SFMBT1: variants seen among roughly 807,000 people sequenced by gnomAD.
SFMBT1 encodes the protein Scm like with four mbt domains 1.
Under a neutral mutation model 108.7 loss-of-function variants are expected in SFMBT1, and 32 were observed. That is an observed-to-expected ratio of 0.29 (90% CI 0.22 to 0.40). SFMBT1 has a LOEUF of 0.40. Among genes scored for constraint, SFMBT1 ranks in the 10% least tolerant of loss-of-function variants. The pLI is 1.00. For missense variants in SFMBT1, 816 were observed against 1,059.6 expected (o/e 0.77, Z 3.19); for synonymous variants, 348 against 369.5 (o/e 0.94, Z 0.67).
chr3:53,003,772 A>AAAAAAAAG (rs1553642493), intron 1 of SFMBT1, among the ~76,000 whole-genome samples: 1 of 142,990 alleles, frequency 7.0e-6, no homozygotes, highest in African/African-American at 2.5e-5. Flanking sequence ...AAAAAAAAAA[A>AAAAAAAAG]AAAGAAAAGA....
At chr3:53,004,375 C>A (rs1474000587) in intron 1 of SFMBT1, among the ~76,000 whole-genome samples, 1 of 149,382 alleles carries the variant, frequency 6.7e-6, no homozygotes, top group Non-Finnish European at 1.5e-5. Flanking sequence ...TGGGTTCAAG[C>A]GATTCTCCTG....
chr3:52,910,441 T>C (rs1702188177), intron 17 of SFMBT1, among the ~76,000 whole-genome samples: 1 of 152,172 alleles, frequency 6.6e-6, no homozygotes, highest in Non-Finnish European at 1.5e-5. Context: ...GCCCATGACC[T>C]GTTTTGGTAT....
chr3:52,962,978 G>GTTATTTTATT (rs138529594), intron 2 of SFMBT1, among the ~76,000 whole-genome samples: 42 of 150,426 alleles, frequency 2.8e-4, no homozygotes, highest in Middle Eastern at 3.4e-3. Flanking sequence ...TCAGGTTGAA[G>GTTATTTTATT]TTATTTTATT....
At chr3:52,913,340 TCCAA>T (rs1298239817) in intron 15 of SFMBT1, 134 bp downstream of exon 15, 10 of 1,095,238 alleles carry the variant, frequency 9.1e-6, no homozygotes, top group Non-Finnish European at 1.1e-5. Flanking sequence ...CTCTTCACTG[TCCAA>T]AACATGAGAA....
chr3:53,033,572 T>TA (rs1433988143), intron 1 of SFMBT1, among the ~76,000 whole-genome samples: 2 of 152,044 alleles, frequency 1.3e-5, no homozygotes, highest in Non-Finnish European at 2.9e-5. Context: ...ACTCTCTACT[T>TA]AGATTCAAAA....
chr3:52,904,975 G>T lies in SFMBT1; in HGVS notation c.*161C>A. 1.2e-6 allele frequency: 1 copy of T among 827,434 alleles called. No homozygotes were observed. The highest frequency in any genetic ancestry group is 1.8e-6 in the Non-Finnish European group (1 of 558,560). The allele number at this position is 827,434 out of a possible 1,614,324, so 51.3% of individuals were successfully genotyped here. ...TGATCCACTTCTGTGCACAGTTTTT[G>T]CTTCCTCACTGTGAGTCCTCCTTCC... is the stretch of plus-strand genomic sequence containing the variant. On this transcript the variant is annotated 3_prime_UTR_variant, in exon 21 of 21. Transcript: ENST00000394752.
At chr3:53,027,721 A>C (rs900069011) in intron 1 of SFMBT1, among the ~76,000 whole-genome samples, 3 of 152,214 alleles carry the variant, frequency 2.0e-5, no homozygotes, top group Admixed American at 2.0e-4. Context: ...AGAATGAGAA[A>C]GGTCACTAAA....
At chr3:52,916,280 T>G in intron 13 of SFMBT1, 66 bp from the exon 14 acceptor site, 1 of 1,446,268 alleles carries the variant, frequency 6.9e-7, no homozygotes, top group African/African-American at 1.4e-5. Context: ...TGAGGCTTAG[T>G]TTCCTTCAAA....
intron 1 of SFMBT1, among the ~76,000 whole-genome samples, chr3:52,990,151 T>G (rs1211885831): frequency 1.3e-5 from 2 of 152,182 alleles, no homozygotes; most frequent in Non-Finnish European, 2.9e-5. Flanking sequence ...AACCACTCAC[T>G]CAGGAAAAAC....
intron 1 of SFMBT1, among the ~76,000 whole-genome samples, chr3:52,985,970 C>T (rs917914656): frequency 4.0e-5 from 6 of 151,886 alleles, no homozygotes; most frequent in African/African-American, 7.3e-5. Flanking sequence ...TGGTGAAACC[C>T]CGTCTCTACT....
chr3:52,938,794 G>T (rs1010244861), intron 4 of SFMBT1, among the ~76,000 whole-genome samples: 16 of 152,064 alleles, frequency 1.1e-4, no homozygotes, highest in African/African-American at 3.6e-4. Flanking sequence ...TTTAGTTTAA[G>T]TTCTATAGCT....
chr3:52,969,145 C>CA lies in SFMBT1; in HGVS notation c.-18dup, dbSNP rs1559531219. 2.5e-6 allele frequency: 4 copies of CA among 1,613,828 alleles called. No homozygotes were observed. In the African/African-American group the frequency reaches 5.3e-5, roughly 22 times the overall value. ...CCCGTTCATTTCCACAGCATATAGG[C>CA]AGGCTATATCCTCCCAAAACAAAGG... On this transcript the variant is annotated 5_prime_UTR_variant, in exon 2 of 21. Transcript: ENST00000394752.
At chr3:52,973,642 G>GT (rs1173668783) in intron 1 of SFMBT1, among the ~76,000 whole-genome samples, 22 of 151,716 alleles carry the variant, frequency 1.5e-4, no homozygotes, top group African/African-American at 5.1e-4. Context: ...TCTTGGTGGG[G>GT]TTTTTTTACA....
Position 52,912,631 on chromosome 3 carries a change from A to C in SFMBT1, c.1637T>G (p.Ile546Ser). ...LVLREVLTLL[I>S]NAAYKPSRVL... The stretch of plus-strand genomic sequence containing the variant: ...ACGGCTGGGTTTGTAGGCTGCATTG[A>C]TAAGTAAAGTGAGGACCTGAGCTCA... The change falls in exon 16 of 21, where the codon ATC (isoleucine) becomes AGC (serine). Residue 546 changes from isoleucine to serine, a missense_variant. Transcript: ENST00000394752. The C allele has an allele frequency of 6.2e-7, 1 of 1,613,902 alleles. No individual in the cohort carries two copies. Among genetic ancestry groups the C allele is most frequent in the Non-Finnish European group, 8.5e-7 (1 of 1,179,922 alleles).
chr3:52,908,586 T>C lies in SFMBT1; in HGVS notation c.1907-853A>G, dbSNP rs577548603. Among the ~76,000 whole-genome samples the C allele has an allele frequency of 3.3e-5, 5 of 152,072 alleles. No individual in the cohort carries two copies. In the South Asian group the frequency reaches 1.0e-3, roughly 32 times the overall value. On this transcript the variant is annotated intron_variant, in intron 17 of 20. Transcript: ENST00000394752. Reference sequence around the variant, plus strand: ...CCCTGTGGTCTGTCCCATTGTTCTATTTTTTTGAGACAGAGTCTGTCACCC... The same window carrying C: ...CCCTGTGGTCTGTCCCATTGTTCTACTTTTTTGAGACAGAGTCTGTCACCC...
intron 1 of SFMBT1, among the ~76,000 whole-genome samples, chr3:52,973,271 G>A (rs1247172774): frequency 6.6e-6 from 1 of 152,034 alleles, no homozygotes; most frequent in East Asian, 1.9e-4. Flanking sequence ...AAATTCTCAT[G>A]AATTAACTGA....
chr3:52,931,876 GAAC>G (rs1352941553), intron 6 of SFMBT1, among the ~76,000 whole-genome samples, 183 bp downstream of exon 6: 3 of 151,712 alleles, frequency 2.0e-5, no homozygotes, highest in East Asian at 1.9e-4. Flanking sequence ...ACCAAAAGCA[GAAC>G]AACAACAAAA....
chr3:52,938,204 G>A (rs1186624646), intron 4 of SFMBT1, among the ~76,000 whole-genome samples: 5 of 152,148 alleles, frequency 3.3e-5, no homozygotes. Flanking sequence ...CTATACAGAG[G>A]ACAAGAGTGG....
At chr3:52,939,750 A>C (rs958630716) in intron 4 of SFMBT1, among the ~76,000 whole-genome samples, 2 of 151,534 alleles carry the variant, frequency 1.3e-5, no homozygotes. Flanking sequence ...TTTATTTTAA[A>C]ATTTCTTTCC....
Sources: gnomAD v4.1 joint callset for allele counts (sites outside exome capture counted in the v4.1 genomes callset) on GRCh38, gnomAD v4.1.1 for gene constraint, MANE v1.5 for transcripts, NCBI Gene and HGNC (gene_info 2026-07-23, HGNC 2026-07-21) for gene names.